TRAPPC11: variants seen among roughly 807,000 people sequenced by gnomAD.
TRAPPC11 encodes foie gras homolog.
Under a neutral mutation model 151.2 loss-of-function variants are expected in TRAPPC11, and 104 were observed. That is an observed-to-expected ratio of 0.69 (90% CI 0.59 to 0.81). The LOEUF is 0.81. Ranked by LOEUF, TRAPPC11 falls within the 30% of genes least tolerant of loss-of-function variation. The pLI is 0.00. For missense variants in TRAPPC11, 1,230 were observed against 1,349.6 expected (o/e 0.91, Z 1.39); for synonymous variants, 456 against 472.3 (o/e 0.97, Z 0.45).
chr4:183,677,415 T>C lies in TRAPPC11; in HGVS notation c.735-43T>C, dbSNP rs747207137. On this transcript the variant is annotated intron_variant, in intron 7 of 29. Transcript: ENST00000334690. ...CTAGTGATTTGGTTCTTAGAAATCG[T>C]TTATTAAACTAATTTATATCATTAA... The C allele has an allele frequency of 1.7e-5, 20 of 1,156,526 alleles. No homozygotes were observed. The South Asian group carries it at 2.1e-4, about 12-fold the overall frequency. 71.6% of individuals were successfully genotyped at this position (1,156,526 alleles called of 1,614,324 possible).
Position 183,666,253 on chromosome 4 carries a change from G to T in TRAPPC11, c.205-4G>T, listed in dbSNP as rs1490004098. ...AACTTTTCAATTTCTGCCAATGTTTGCAGAGAACTTCATATGAGTGGTACA... is the reference window on the plus strand; with the variant it reads ...AACTTTTCAATTTCTGCCAATGTTTTCAGAGAACTTCATATGAGTGGTACA... On this transcript the variant is annotated splice_polypyrimidine_tract_variant and splice_region_variant and intron_variant, in intron 2 of 29. Coordinates refer to ENST00000334690, the MANE Select transcript of TRAPPC11 (RefSeq NM_021942.6). 2 of 1,607,892 alleles carry T rather than the reference G, an allele frequency of 1.2e-6. No homozygotes were observed. Among genetic ancestry groups the T allele is most frequent in the Non-Finnish European group, 1.7e-6 (2 of 1,177,142 alleles).
intron 27 of TRAPPC11, among the ~76,000 whole-genome samples, chr4:183,706,300 G>A (rs991285509): frequency 6.6e-6 from 1 of 152,156 alleles, no homozygotes; most frequent in South Asian, 2.1e-4. Flanking sequence ...AAGGTGGGTG[G>A]ATCACGAGGT....
At position 183,710,364 on chromosome 4, in the gene TRAPPC11, G is replaced by A. The variant is rs542446366; in HGVS notation, c.3357+1790G>A. On this transcript the variant is annotated intron_variant, in intron 29 of 29. Transcript: ENST00000334690. ...TGCAGTGGCCCGATGTCTGCTCACT[G>A]CAAGCTCTGCCTCCTGGGTTCACGC... is the stretch of plus-strand genomic sequence containing the variant. 4.0e-4 allele frequency among the ~76,000 whole-genome samples: 60 copies of A among 151,624 alleles called. 1 individual carries two copies. The highest frequency in any genetic ancestry group is 1.5e-3 in the African/African-American group (60 of 41,306).
At chr4:183,663,578 A>G (rs913032182) in intron 1 of TRAPPC11, among the ~76,000 whole-genome samples, 4 of 152,208 alleles carry the variant, frequency 2.6e-5, no homozygotes, top group Admixed American at 2.0e-4. Flanking sequence ...TGTGTTGGCT[A>G]GGCTGGTCTT....
At position 183,697,714 on chromosome 4, in the gene TRAPPC11, C is replaced by G. The variant is rs776835332; in HGVS notation, c.2730C>G (p.Pro910=). ...TGGAAAGGGTTTATGCTGACATCCCCTTTCTGTTGATGACGGACCTCTTAA... is the reference window on the plus strand; with the variant it reads ...TGGAAAGGGTTTATGCTGACATCCCGTTTCTGTTGATGACGGACCTCTTAA... ...EHLERVYADI[P]FLLMTDLLSA... Residue 910 remains proline, a synonymous_variant, in exon 25 of 30, where the codon CCC becomes CCG. Coordinates refer to ENST00000334690, the MANE Select transcript of TRAPPC11 (RefSeq NM_021942.6). 2.5e-6 allele frequency: 4 copies of G among 1,614,182 alleles called. No homozygotes were observed. The highest frequency in any genetic ancestry group is 3.4e-6 in the Non-Finnish European group (4 of 1,180,040).
chr4:183,687,755 T>C (rs1222713010), intron 18 of TRAPPC11, among the ~76,000 whole-genome samples: 1 of 152,256 alleles, frequency 6.6e-6, no homozygotes, highest in East Asian at 1.9e-4. Flanking sequence ...TTTATGATTA[T>C]GGAACTAATT....
intron 29 of TRAPPC11, among the ~76,000 whole-genome samples, chr4:183,710,962 C>CA (rs985252735): frequency 2.0e-5 from 3 of 151,714 alleles, no homozygotes; most frequent in Admixed American, 2.0e-4. Context: ...ATCTGGAAGA[C>CA]AGAGGTTGCA....
At chr4:183,695,420 AGT>A (rs1213737101) in intron 23 of TRAPPC11, among the ~76,000 whole-genome samples, 1 of 152,156 alleles carries the variant, frequency 6.6e-6, no homozygotes, top group Non-Finnish European at 1.5e-5. Flanking sequence ...GTTTTCGGTA[AGT>A]GCACATAAAA....
At chr4:183,684,278 A>C (rs907428399) in intron 13 of TRAPPC11, 27 bp from the exon 14 acceptor site, 4 of 1,612,480 alleles carry the variant, frequency 2.5e-6, no homozygotes, top group Non-Finnish European at 3.4e-6. Context: ...TTTAAGTTAC[A>C]TACATAAATC....
intron 23 of TRAPPC11, among the ~76,000 whole-genome samples, chr4:183,696,125 G>A (rs2111074610): frequency 6.6e-6 from 1 of 152,258 alleles, no homozygotes; most frequent in Non-Finnish European, 1.5e-5. Context: ...CAACAAGTAA[G>A]TATAATCCAA....
At chr4:183,692,383 AC>A (rs1167575672) in intron 19 of TRAPPC11, among the ~76,000 whole-genome samples, 1 of 149,462 alleles carries the variant, frequency 6.7e-6, no homozygotes, top group Non-Finnish European at 1.5e-5. Context: ...AAAAAAAAAA[AC>A]TTTCATGATT....
intron 7 of TRAPPC11, among the ~76,000 whole-genome samples, chr4:183,675,970 C>T (rs1295963494): frequency 6.6e-6 from 1 of 151,808 alleles, no homozygotes; most frequent in Admixed American, 6.6e-5. Flanking sequence ...TTAAAAACAG[C>T]TATTTATCCC....
At chr4:183,680,550 T>A (rs540117093) in intron 10 of TRAPPC11, among the ~76,000 whole-genome samples, 1 of 152,170 alleles carries the variant, frequency 6.6e-6, no homozygotes, top group Non-Finnish European at 1.5e-5. Flanking sequence ...TTTTCATCCT[T>A]GTCACACTAT....
Position 183,684,040 on chromosome 4 carries a change from A to G in TRAPPC11, c.1273A>G (p.Asn425Asp). The G allele has an allele frequency of 6.2e-7, 1 of 1,613,980 alleles. No individual in the cohort carries two copies. The highest frequency in any genetic ancestry group is 8.5e-7 in the Non-Finnish European group (1 of 1,179,886). ...GILAIQLKER[N>D]VVHSEIIITL... The stretch of plus-strand genomic sequence containing the variant: ...TCTTGCCATTCAGCTGAAGGAGAGA[A>G]ATGTTGTTCACTCTGTAAGTTTTGT... The change falls in exon 12 of 30, where the codon AAT becomes GAT. Residue 425 changes from asparagine to aspartate, a missense_variant. Transcript: ENST00000334690.
intron 5 of TRAPPC11, among the ~76,000 whole-genome samples, chr4:183,673,129 A>G (rs1404456074): frequency 2.6e-5 from 4 of 151,574 alleles, no homozygotes; most frequent in Non-Finnish European, 1.5e-5. Flanking sequence ...CACCTGGCCA[A>G]TTTTTTGTAT....
chr4:183,703,676 T>C (rs1163292256), intron 26 of TRAPPC11, among the ~76,000 whole-genome samples: 5 of 152,158 alleles, frequency 3.3e-5, no homozygotes, highest in African/African-American at 4.8e-5. Context: ...GTATATTCAT[T>C]TCTTATTGAT....
rs781492458 is a variant in TRAPPC11, at chr4:183,666,277, C to T, written c.225C>T (p.Tyr75=). 2.6e-5 allele frequency: 42 copies of T among 1,613,236 alleles called. 1 individual carries two copies. Among genetic ancestry groups the T allele is most frequent in the Admixed American group, 5.0e-5 (3 of 59,792 alleles). ...TGCAGAGAACTTCATATGAGTGGTA[C>T]ATTCCTAAAGGGATCTTAAAGACTG... ...CRPKRTSYEW[Y]IPKGILKTGW... is the part of the protein sequence containing the mutation. Residue 75 remains tyrosine (Y), a synonymous_variant, in exon 3 of 30, where the codon TAC becomes TAT. Transcript: ENST00000334690.
In TRAPPC11 at chr4:183,708,545, C is replaced by T. The variant is rs768618652; in HGVS notation, c.3328C>T (p.Arg1110Cys). The change falls in exon 29 of 30, where the codon CGT (arginine) becomes TGT (cysteine). Residue 1110 changes from arginine to cysteine, a missense_variant. Coordinates refer to ENST00000334690, the MANE Select transcript of TRAPPC11 (RefSeq NM_021942.6). ...FPNFTNQLLR[R>C]FIPTSIFVKP... ...TAACTTCACAAATCAGCTGCTCAGG[C>T]GTTTTATACCTACCAGTATTTTTGT... is the stretch of plus-strand genomic sequence containing the variant. The T allele has an allele frequency of 6.2e-6, 10 of 1,613,942 alleles. No homozygotes were observed. Among genetic ancestry groups the T allele is most frequent in the African/African-American group, 4.0e-5 (3 of 75,012 alleles).
rs746257582 is a variant in TRAPPC11 at position 183,691,469 on chromosome 4, G to A, written c.2047G>A (p.Glu683Lys). ...AACTGAAGATGTGGGAAAGAAAATT[G>A]AGGTTAGTTATGAAATTTGTTTTAA... ...AKTEDVGKKI[E>K]ITSVDLALGN... Residue 683 changes from glutamate (E) to lysine (K), a missense_variant and splice_region_variant, in exon 19 of 30, where the codon GAG becomes AAG. Coordinates refer to ENST00000334690, the MANE Select transcript of TRAPPC11 (RefSeq NM_021942.6). 4.0e-6 allele frequency: 6 copies of A among 1,485,422 alleles called. No individual in the cohort carries two copies. The highest frequency in any genetic ancestry group is 1.4e-5 in the African/African-American group (1 of 72,740). The allele number at this position is 1,485,422 out of a possible 1,614,324, so 92.0% of individuals were successfully genotyped here. A position where few individuals can be genotyped will look rare whatever the true frequency, so the allele number is the denominator to read the frequency against.
Sources: gnomAD v4.1 joint callset for allele counts (sites outside exome capture counted in the v4.1 genomes callset) on GRCh38, gnomAD v4.1.1 for gene constraint, MANE v1.5 for transcripts, NCBI Gene and HGNC (gene_info 2026-07-23, HGNC 2026-07-21) for gene names.